The following ADGRB3 variants were observed in gnomAD, a reference collection of about 807,000 sequenced individuals.
ADGRB3 encodes brain-specific angiogenesis inhibitor 3.
Under a neutral mutation model 193.4 loss-of-function variants are expected in ADGRB3, and 37 were observed. The observed-to-expected ratio is 0.19, with a 90% CI of 0.15 to 0.25. ADGRB3 has a LOEUF of 0.25. ADGRB3 is among the 10% of genes least tolerant of loss of function. ADGRB3 has a pLI of 1.00. For missense variants in ADGRB3, 1,637 were observed against 1,852.9 expected (o/e 0.88, Z 2.14); for synonymous variants, 690 against 644.2 (o/e 1.07, Z -1.08).
intron 17 of ADGRB3, among the ~76,000 whole-genome samples, chr6:69,085,716 T>A (rs1215375516): frequency 2.0e-5 from 3 of 151,952 alleles, no homozygotes; most frequent in African/African-American, 7.2e-5. Flanking sequence ...AGGTTTGGTG[T>A]TCCTCAGTAA....
chr6:68,850,764 A>G (rs1236486378), intron 3 of ADGRB3, among the ~76,000 whole-genome samples: 1 of 151,972 alleles, frequency 6.6e-6, no homozygotes, highest in Non-Finnish European at 1.5e-5. Flanking sequence ...TTCATTTACA[A>G]TGAAGCAGCA....
chr6:68,651,835 C>T (rs1768373465), intron 3 of ADGRB3, among the ~76,000 whole-genome samples: 2 of 152,124 alleles, frequency 1.3e-5, no homozygotes, highest in Non-Finnish European at 2.9e-5. Context: ...AAAACCACTG[C>T]AGAACTATAA....
chr6:69,353,931 T>C (rs1480212188), intron 26 of ADGRB3, among the ~76,000 whole-genome samples: 2 of 151,932 alleles, frequency 1.3e-5, no homozygotes, highest in African/African-American at 4.8e-5. Context: ...GGCGTGGTGG[T>C]GCATGCCTGT....
intron 3 of ADGRB3, among the ~76,000 whole-genome samples, chr6:68,664,626 T>G (rs1252821783): frequency 2.0e-5 from 3 of 151,848 alleles, no homozygotes; most frequent in Non-Finnish European, 4.4e-5. Flanking sequence ...TATTGTGCTC[T>G]GTTACACCTG....
chr6:69,353,085 T>A (rs1368429623), intron 26 of ADGRB3, among the ~76,000 whole-genome samples: 1 of 152,130 alleles, frequency 6.6e-6, no homozygotes, highest in East Asian at 1.9e-4. Context: ...CATCAACAGC[T>A]CGTGGGGAGC....
At chr6:69,345,637 C>G (rs1769068223) in intron 26 of ADGRB3, among the ~76,000 whole-genome samples, 1 of 152,108 alleles carries the variant, frequency 6.6e-6, no homozygotes, top group Non-Finnish European at 1.5e-5. Context: ...GACAAACCCA[C>G]AGCCAATATC....
intron 20 of ADGRB3, among the ~76,000 whole-genome samples, chr6:69,260,006 T>G (rs180778415): frequency 6.6e-6 from 1 of 152,304 alleles, no homozygotes; most frequent in Non-Finnish European, 1.5e-5. Flanking sequence ...AAAAACCATT[T>G]TTACATAGGG....
intron 13 of ADGRB3, among the ~76,000 whole-genome samples, chr6:69,034,711 A>C (rs1478112480): frequency 6.6e-6 from 1 of 151,328 alleles, no homozygotes; most frequent in Non-Finnish European, 1.5e-5. Flanking sequence ...ACAACAGTAC[A>C]TTAACTTAGA....
chr6:69,294,338 A>G (rs1224024454), intron 20 of ADGRB3, among the ~76,000 whole-genome samples: 2 of 152,110 alleles, frequency 1.3e-5, no homozygotes, highest in Non-Finnish European at 2.9e-5. Flanking sequence ...ACATTTCATA[A>G]GTCATATTTC....
intron 3 of ADGRB3, among the ~76,000 whole-genome samples, chr6:68,737,823 C>T (rs747915054): frequency 7.9e-5 from 12 of 152,106 alleles, no homozygotes; most frequent in East Asian, 1.9e-4. Context: ...TTCTTCCTAC[C>T]GGGCAGGTAC....
At chr6:68,823,044 C>T (rs1366456489) in intron 3 of ADGRB3, among the ~76,000 whole-genome samples, 1 of 148,154 alleles carries the variant, frequency 6.7e-6, no homozygotes, top group Non-Finnish European at 1.5e-5. Context: ...CAGCAGAAGA[C>T]ATCTACACAG....
intron 3 of ADGRB3, among the ~76,000 whole-genome samples, chr6:68,724,421 C>A (rs1399198216): frequency 6.6e-6 from 1 of 151,526 alleles, no homozygotes; most frequent in South Asian, 2.1e-4. Context: ...AGTTTATTGT[C>A]CTAGGAAGAA....
At chr6:68,884,017 T>TAAA (rs200596759) in intron 3 of ADGRB3, among the ~76,000 whole-genome samples, 3 of 149,914 alleles carry the variant, frequency 2.0e-5, no homozygotes, top group Non-Finnish European at 4.5e-5. Context: ...AAAGATATTT[T>TAAA]AAAAAATGAT....
At chr6:68,935,538 A>AT (rs932218506) in intron 4 of ADGRB3, among the ~76,000 whole-genome samples, 1 of 152,026 alleles carries the variant, frequency 6.6e-6, no homozygotes, top group Non-Finnish European at 1.5e-5. Context: ...TCACCTACAA[A>AT]TTTTTTTTCA....
chr6:68,738,946 A>C (rs1324769282), intron 3 of ADGRB3, among the ~76,000 whole-genome samples: 3 of 152,158 alleles, frequency 2.0e-5, no homozygotes, highest in Non-Finnish European at 4.4e-5. Flanking sequence ...GATTGGGGAC[A>C]TGAAGAGGAT....
At chr6:69,031,553 T>TTCTTTCTTTCTTTCTTTCTTTCTTTC (rs1770702687) in intron 13 of ADGRB3, among the ~76,000 whole-genome samples, 1 of 108,624 alleles carries the variant, frequency 9.2e-6, no homozygotes, top group Non-Finnish European at 1.9e-5. Flanking sequence ...TTCTTTCTTT[T>TTCTTTCTTTCTTTCTTTCTTTCTTTC]TCTTTCTTTC....
chr6:69,079,720 G>A (rs1433087318), intron 17 of ADGRB3, among the ~76,000 whole-genome samples: 1 of 152,010 alleles, frequency 6.6e-6, no homozygotes, highest in Non-Finnish European at 1.5e-5. Context: ...TGGATTTTGA[G>A]TATTAGATCA....
At chr6:68,913,109 G>A (rs1458986113) in intron 3 of ADGRB3, among the ~76,000 whole-genome samples, 4 of 152,222 alleles carry the variant, frequency 2.6e-5, no homozygotes, top group Non-Finnish European at 5.9e-5. Flanking sequence ...CTCCACCTCT[G>A]GGGGCAGGGC....
intron 11 of ADGRB3, among the ~76,000 whole-genome samples, chr6:69,011,334 A>T (rs1321026309): frequency 1.3e-5 from 2 of 152,034 alleles, no homozygotes; most frequent in Non-Finnish European, 2.9e-5. Context: ...TGCAACATGG[A>T]TGCAGCTGGA....
Sources: gnomAD v4.1 joint callset for allele counts (sites outside exome capture counted in the v4.1 genomes callset) on GRCh38, gnomAD v4.1.1 for gene constraint, MANE v1.5 for transcripts, NCBI Gene and HGNC (gene_info 2026-07-23, HGNC 2026-07-21) for gene names.